The following DGKB variants were observed in gnomAD, a reference collection of about 807,000 sequenced individuals.
DGKB encodes diacylglycerol kinase beta, also known as 90 kDa diacylglycerol kinase.
Under a neutral mutation model 114.3 loss-of-function variants are expected in DGKB, and 67 were observed. The ratio of observed to expected loss-of-function variants is 0.59; its 90% CI spans 0.48 to 0.72. DGKB has a LOEUF of 0.72. Ranked by LOEUF, DGKB falls within the 30% of genes least tolerant of loss-of-function variation. The probability of loss-of-function intolerance (pLI) is 0.00; values close to 1 mark genes in which losing one functional copy is unlikely to be tolerated. For synonymous variants in DGKB, 398 were observed against 323.1 expected, an observed-to-expected ratio of 1.23 and a Z score of -2.49; for missense variants, 907 against 975.2, an observed-to-expected ratio of 0.93 and a Z score of 0.93.
rs529899219 is a variant in DGKB at position 14,885,130 on chromosome 7, G to C, written c.-188+17462C>G. On this transcript the variant is annotated intron_variant, in intron 1 of 25. Transcript: ENST00000402815. ...AAGAAACATCTGAGCGAGGTAACTT[G>C]ATGTTCCTTGAATGATGAGTAGAGC... Among the ~76,000 whole-genome samples, 187 of 152,018 alleles carry C rather than the reference G, an allele frequency of 1.2e-3. 2 individuals are homozygous for C. In the South Asian group the frequency reaches 0.038, roughly 31 times the overall value.
intron 1 of DGKB, among the ~76,000 whole-genome samples, chr7:14,943,637 A>AACACACACACACACACAC (rs563726736): frequency 0.11 from 17,062 of 151,404 alleles, 1,065 homozygotes; most frequent in Admixed American, 0.16. Context: ...TTTGAAGTGA[A>AACACACACACACACACAC]ACACACACAC....
chr7:14,226,084 G>C (rs923051514), intron 23 of DGKB, among the ~76,000 whole-genome samples: 2 of 151,830 alleles, frequency 1.3e-5, no homozygotes, highest in African/African-American at 4.8e-5. Context: ...TCCAAGGATT[G>C]AGAAAATGTC....
chr7:14,821,806 T>G (rs1844975686), intron 2 of DGKB, among the ~76,000 whole-genome samples: 1 of 152,122 alleles, frequency 6.6e-6, no homozygotes, highest in South Asian at 2.1e-4. Context: ...GAGAGAGACA[T>G]GGAGAAGAGG....
chr7:14,485,094 CACCA>C (rs1332736574), intron 20 of DGKB, among the ~76,000 whole-genome samples: 10 of 75,398 alleles, frequency 1.3e-4, no homozygotes, highest in East Asian at 1.3e-3. Flanking sequence ...GACACACACA[CACCA>C]CACACACACA....
At chr7:14,577,103 A>G (rs759685017) in intron 19 of DGKB, among the ~76,000 whole-genome samples, 7 of 152,196 alleles carry the variant, frequency 4.6e-5, no homozygotes, top group Non-Finnish European at 8.8e-5. Flanking sequence ...AATCCACTAA[A>G]TATGCCAGCA....
At chr7:14,916,708 C>A (rs117692251) in intron 1 of DGKB, among the ~76,000 whole-genome samples, 5,293 of 151,982 alleles carry the variant, frequency 0.035, 144 homozygotes, top group Non-Finnish European at 0.048. Flanking sequence ...AGTTCAACAC[C>A]TCTATAACAG....
rs141653646 is a variant in DGKB, at chr7:14,447,732, A to T, written c.1835+30429T>A. Among the ~76,000 whole-genome samples the T allele has an allele frequency of 4.3e-4, 65 of 152,258 alleles. 1 individual carries two copies. The East Asian group carries it at 0.012, about 29-fold the overall frequency. On this transcript the variant is annotated intron_variant, in intron 21 of 25. Coordinates refer to ENST00000402815, the MANE Select transcript of DGKB (RefSeq NM_001350709.2). ...TACCAAAATACCTGTGATAATAATCATACAGTGTATCACAGCCAAGTTGTC... is the reference window on the plus strand; with the variant it reads ...TACCAAAATACCTGTGATAATAATCTTACAGTGTATCACAGCCAAGTTGTC...
chr7:14,291,913 G>C (rs1441716379), intron 23 of DGKB, among the ~76,000 whole-genome samples: 5 of 152,086 alleles, frequency 3.3e-5, no homozygotes. Context: ...GAAGCAGGAG[G>C]TAATATCAGG....
At chr7:14,627,839 C>T (rs771270277) in intron 14 of DGKB, among the ~76,000 whole-genome samples, 32 of 151,378 alleles carry the variant, frequency 2.1e-4, no homozygotes, top group African/African-American at 6.5e-4. Context: ...GCTACTTTGG[C>T]GGCTGAAGCA....
intron 21 of DGKB, among the ~76,000 whole-genome samples, chr7:14,420,078 CT>C (rs544608436): frequency 1.3e-5 from 2 of 151,904 alleles, no homozygotes; most frequent in Non-Finnish European, 2.9e-5. Context: ...ATTATTTTAA[CT>C]TTTTTTAGAA....
chr7:14,343,200 A>ACACACACACACAC (rs1562972962), intron 22 of DGKB, among the ~76,000 whole-genome samples: 13 of 54,562 alleles, frequency 2.4e-4, no homozygotes, highest in African/African-American at 5.3e-4. Context: ...CACACACACA[A>ACACACACACACAC]CAAGATATGC....
At chr7:14,578,329 CTG>C (rs1469618595) in intron 19 of DGKB, among the ~76,000 whole-genome samples, 3 of 152,158 alleles carry the variant, frequency 2.0e-5, no homozygotes, top group South Asian at 4.1e-4. Flanking sequence ...AATACAAACA[CTG>C]TGCAAACAAG....
intron 1 of DGKB, among the ~76,000 whole-genome samples, chr7:14,897,438 A>C (rs997859827): frequency 6.6e-6 from 1 of 151,862 alleles, no homozygotes; most frequent in African/African-American, 2.4e-5. Context: ...AATTAAAATC[A>C]GTGTGTTTTT....
upstream of DGKB, among the ~76,000 whole-genome samples, chr7:14,907,584 G>A (rs1422404420): frequency 1.3e-5 from 2 of 152,122 alleles, no homozygotes; most frequent in Non-Finnish European, 2.9e-5. Flanking sequence ...CAGGGGTAAT[G>A]GTTTCCATAA....
chr7:14,973,637 C>A (rs1441635845), intron 1 of DGKB, among the ~76,000 whole-genome samples: 1 of 148,828 alleles, frequency 6.7e-6, no homozygotes, highest in Non-Finnish European at 1.5e-5. Flanking sequence ...TCTCTAGCAC[C>A]AAATTATGCA....
At chr7:14,906,262 C>G (rs910394111), upstream of DGKB, among the ~76,000 whole-genome samples, 1 of 151,574 alleles carries the variant, frequency 6.6e-6, no homozygotes, top group East Asian at 1.9e-4. Context: ...TTTATGTGTG[C>G]TTGTTCCTAA....
chr7:14,919,228 C>T (rs1197999890), intron 1 of DGKB, among the ~76,000 whole-genome samples: 1 of 152,010 alleles, frequency 6.6e-6, no homozygotes, highest in Admixed American at 6.6e-5. Flanking sequence ...ATTTACTATA[C>T]AGCTACTGTA....
chr7:14,808,905 C>T lies in DGKB; in HGVS notation c.70+32289G>A, dbSNP rs1315451534. Among the ~76,000 whole-genome samples the T allele has an allele frequency of 2.0e-5, 3 of 152,124 alleles. No individual in the cohort carries two copies. The East Asian group carries it at 5.8e-4, about 29-fold the overall frequency. ...AATGAAATAGATGACAACTAAGGTA[C>T]AGCTCTAAATTCCTACTAATTCCAG... On this transcript the variant is annotated intron_variant, in intron 2 of 25. Transcript: ENST00000402815.
chr7:14,164,745 G>T (rs936524644), intron 25 of DGKB, among the ~76,000 whole-genome samples: 2 of 152,014 alleles, frequency 1.3e-5, no homozygotes. Flanking sequence ...AATAACATGG[G>T]TTTAACTTTT....
Sources: allele counts gnomAD v4.1 joint callset (sites outside exome capture counted in the v4.1 genomes callset), GRCh38; gene constraint gnomAD v4.1.1; transcripts MANE v1.5; gene names NCBI Gene and HGNC (gene_info 2026-07-23, HGNC 2026-07-21).